The following CDH8 variants were observed in gnomAD, a reference collection of about 807,000 sequenced individuals.
CDH8 encodes cadherin 8.
CDH8 carries 17 observed loss-of-function variants against 68.1 expected under a neutral mutation model. The observed-to-expected ratio is 0.25, with a 90% CI of 0.17 to 0.37. The LOEUF is 0.37. CDH8 is among the 10% of genes least tolerant of loss of function. The pLI, the probability that CDH8 is intolerant of heterozygous loss-of-function variation, is 1.00. For synonymous variants in CDH8, 372 were observed against 365.1 expected (o/e 1.02, Z -0.21); for missense variants, 763 against 999.3 (o/e 0.76, Z 3.19).
intron 2 of CDH8, among the ~76,000 whole-genome samples, chr16:61,914,718 T>C (rs1193002095): frequency 7.1e-6 from 1 of 141,224 alleles, no homozygotes; most frequent in Non-Finnish European, 1.5e-5. Context: ...GAACTGAAAG[T>C]ATAATAATAA....
At chr16:61,908,393 G>A (rs1964099059) in intron 2 of CDH8, among the ~76,000 whole-genome samples, 2 of 152,166 alleles carry the variant, frequency 1.3e-5, no homozygotes, top group South Asian at 4.1e-4. Context: ...CAAGTGTTTA[G>A]GCTACTAGGA....
chr16:61,958,612 C>G (rs1000319230), intron 2 of CDH8, among the ~76,000 whole-genome samples: 4 of 152,110 alleles, frequency 2.6e-5, no homozygotes, highest in Non-Finnish European at 5.9e-5. Context: ...GCTGGAGAAT[C>G]ACAGATTTGA....
At chr16:61,817,021 G>A (rs145337779) in intron 7 of CDH8, among the ~76,000 whole-genome samples, 1 of 152,154 alleles carries the variant, frequency 6.6e-6, no homozygotes, top group Admixed American at 6.6e-5. Flanking sequence ...GCCTCTTAAT[G>A]CATTGACACT....
chr16:61,647,579 G>C lies in CDH8; in HGVS notation c.*6029C>G. On this transcript the variant is annotated 3_prime_UTR_variant, in exon 12 of 12. Coordinates refer to ENST00000577390, the MANE Select transcript of CDH8 (RefSeq NM_001796.5). ...ATCATAGGATGGCCTGAAGTTCTTT[G>C]CATGTACAGAAGAAATCCCAAGAAA... 1 of 523,070 alleles carries C rather than the reference G, an allele frequency of 1.9e-6. No individual in the cohort carries two copies. Among genetic ancestry groups the C allele is most frequent in the Non-Finnish European group, 3.4e-6 (1 of 294,718 alleles). The allele number at this position is 523,070 out of a possible 1,614,324, so 32.4% of individuals were successfully genotyped here. A position where few individuals can be genotyped will look rare whatever the true frequency, so the allele number is the denominator to read the frequency against.
Position 62,000,314 on chromosome 16 carries a change from C to A in CDH8, c.252+20838G>T, listed in dbSNP as rs556526118. Among the ~76,000 whole-genome samples, 4 of 152,140 alleles carry A rather than the reference C, an allele frequency of 2.6e-5. No individual in the cohort carries two copies. In the East Asian group the frequency reaches 5.8e-4, roughly 22 times the overall value. On this transcript the variant is annotated intron_variant, in intron 2 of 11. Transcript: ENST00000577390. ...TGATTTATAATCCTTTGGGTATATACCCAGTAATGAGATTGCTGGGTCAAA... is the reference window on the plus strand; with the variant it reads ...TGATTTATAATCCTTTGGGTATATAACCAGTAATGAGATTGCTGGGTCAAA...
At chr16:62,015,376 C>T (rs1172550739) in intron 2 of CDH8, among the ~76,000 whole-genome samples, 1 of 152,002 alleles carries the variant, frequency 6.6e-6, no homozygotes, top group Non-Finnish European at 1.5e-5. Flanking sequence ...AAAGGATATT[C>T]AATGAACATG....
At chr16:61,831,814 G>C (rs1006310524) in intron 4 of CDH8, among the ~76,000 whole-genome samples, 1 of 151,744 alleles carries the variant, frequency 6.6e-6, no homozygotes, top group Non-Finnish European at 1.5e-5. Flanking sequence ...GATTGCAGTT[G>C]ATATAAAATG....
intron 10 of CDH8, among the ~76,000 whole-genome samples, chr16:61,698,642 T>A (rs1344483511): frequency 6.6e-6 from 1 of 152,186 alleles, no homozygotes; most frequent in East Asian, 1.9e-4. Context: ...GTCCAACATC[T>A]AATGGACCTA....
chr16:61,756,799 T>C (rs1013327425), intron 8 of CDH8, among the ~76,000 whole-genome samples: 3 of 152,184 alleles, frequency 2.0e-5, no homozygotes, highest in African/African-American at 4.8e-5. Context: ...TCCCATTGAA[T>C]AAGAATCTCT....
chr16:62,003,112 G>A (rs367627830), intron 2 of CDH8, among the ~76,000 whole-genome samples: 22 of 152,222 alleles, frequency 1.4e-4, no homozygotes, highest in East Asian at 1.2e-3. Flanking sequence ...GTTACAAATT[G>A]TCTTAATAAG....
chr16:61,744,937 A>G (rs1959976493), intron 8 of CDH8, among the ~76,000 whole-genome samples: 1 of 151,002 alleles, frequency 6.6e-6, no homozygotes. Flanking sequence ...TAAGTAGTAT[A>G]TATTATTTTG....
chr16:61,886,477 G>A (rs1963674712), intron 3 of CDH8, among the ~76,000 whole-genome samples: 1 of 152,140 alleles, frequency 6.6e-6, no homozygotes, highest in African/African-American at 2.4e-5. Context: ...TATTTCTCAG[G>A]AAATGTTTGT....
At chr16:61,875,619 A>T (rs942667755) in intron 3 of CDH8, among the ~76,000 whole-genome samples, 1 of 152,192 alleles carries the variant, frequency 6.6e-6, no homozygotes, top group African/African-American at 2.4e-5. Context: ...AGATAATTAC[A>T]AAGTTTCTAA....
chr16:61,848,435 G>A (rs1303933339), intron 4 of CDH8, among the ~76,000 whole-genome samples: 2 of 152,036 alleles, frequency 1.3e-5, no homozygotes, highest in African/African-American at 4.8e-5. Flanking sequence ...TTGTCCAAAG[G>A]TGCAAATAAC....
chr16:61,704,630 A>G (rs191142733), intron 10 of CDH8, among the ~76,000 whole-genome samples: 1 of 152,340 alleles, frequency 6.6e-6, no homozygotes, highest in East Asian at 1.9e-4. Flanking sequence ...TATTCATCAC[A>G]GTGCTTTTGT....
At chr16:61,956,421 A>C (rs1439826827) in intron 2 of CDH8, among the ~76,000 whole-genome samples, 2 of 150,822 alleles carry the variant, frequency 1.3e-5, no homozygotes, top group African/African-American at 4.9e-5. Context: ...AACTCCAAAT[A>C]ATCCATCTTG....
At chr16:61,821,995 C>A (rs1418317548) in intron 5 of CDH8, among the ~76,000 whole-genome samples, 1 of 151,822 alleles carries the variant, frequency 6.6e-6, no homozygotes, top group Non-Finnish European at 1.5e-5. Flanking sequence ...CACTGAGTGT[C>A]AGGCCAAAAA....
chr16:61,654,639 T>G (rs1244464416), intron 11 of CDH8, among the ~76,000 whole-genome samples: 3 of 152,176 alleles, frequency 2.0e-5, no homozygotes, highest in African/African-American at 7.2e-5. Flanking sequence ...TGCCTCTAGC[T>G]GGGAAGAGAA....
intron 9 of CDH8, chr16:61,725,457 T>A (rs922034555): frequency 6.6e-6 from 1 of 150,906 alleles, no homozygotes; most frequent in Non-Finnish European, 1.5e-5. Flanking sequence ...AATGGAGTTT[T>A]ATTTAAATTC....
Sources: gnomAD v4.1 joint callset for allele counts (sites outside exome capture counted in the v4.1 genomes callset) on GRCh38, gnomAD v4.1.1 for gene constraint, MANE v1.5 for transcripts, NCBI Gene and HGNC (gene_info 2026-07-23, HGNC 2026-07-21) for gene names.